The following MAP7D1 variants were observed in gnomAD, a reference collection of about 807,000 sequenced individuals.
MAP7D1 encodes the protein MAP7 domain-containing protein 1.
MAP7D1 carries 30 observed loss-of-function variants against 97.5 expected under a neutral mutation model. The ratio of observed to expected loss-of-function variants is 0.31; its 90% CI spans 0.23 to 0.42. MAP7D1 has a LOEUF of 0.42. Among genes scored for constraint, MAP7D1 ranks in the 10% least tolerant of loss-of-function variants. The probability of loss-of-function intolerance (pLI) is 1.00; values close to 1 mark genes in which losing one functional copy is unlikely to be tolerated. For missense variants in MAP7D1, 1,184 were observed against 1,179.5 expected, an observed-to-expected ratio of 1.00 and a Z score of -0.06; for synonymous variants, 536 against 477.1, an observed-to-expected ratio of 1.12 and a Z score of -1.61.
intron 1 of MAP7D1, among the ~76,000 whole-genome samples, chr1:36,157,671 C>T (rs1035637367): frequency 6.6e-6 from 1 of 152,226 alleles, no homozygotes; most frequent in Non-Finnish European, 1.5e-5. Flanking sequence ...ATCCTGTCAC[C>T]TCCCTGCCCC....
chr1:36,173,505 T>C (rs746908108), intron 5 of MAP7D1, 27 bp downstream of exon 5: 3 of 1,488,860 alleles, frequency 2.0e-6, no homozygotes, highest in Admixed American at 4.0e-5. Flanking sequence ...GGCTGGGGAG[T>C]GGGTGGGCAA....
At chr1:36,161,340 T>TCTA (rs567708774) in intron 1 of MAP7D1, among the ~76,000 whole-genome samples, 44 of 152,290 alleles carry the variant, frequency 2.9e-4, no homozygotes, top group African/African-American at 9.4e-4. Context: ...GTTTGCCCTT[T>TCTA]CTACTGACCT....
chr1:36,166,020 G>A (rs1644470849), intron 1 of MAP7D1, among the ~76,000 whole-genome samples: 1 of 152,090 alleles, frequency 6.6e-6, no homozygotes, highest in Non-Finnish European at 1.5e-5. Flanking sequence ...GTGAGCCACC[G>A]CTCCCAGCCC....
Position 36,180,004 on chromosome 1 carries a change from C to T in MAP7D1, c.2449C>T (p.Leu817=), listed in dbSNP as rs762580688. 1 of 1,614,218 alleles carries T rather than the reference C, an allele frequency of 6.2e-7. No homozygotes were observed. ...TCTGAGCCGAACACCAGAGACACTC[C>T]TGCCCTTTGCAGAGGCAGAAGCCTT... The part of the protein sequence containing the change: ...KSLSRTPETL[L]PFAEAEAFLK... The change falls in exon 16 of 17, where the codon CTG becomes TTG. Residue 817 remains leucine, a synonymous_variant. Transcript: ENST00000474796.
chr1:36,164,320 C>T (rs1386024504), intron 1 of MAP7D1, among the ~76,000 whole-genome samples: 2 of 152,122 alleles, frequency 1.3e-5, no homozygotes, highest in African/African-American at 4.8e-5. Context: ...GGCTCCCTCA[C>T]CTTCTAGGAG....
Position 36,171,236 on chromosome 1 carries a change from G to T in MAP7D1, c.312G>T (p.Arg104=). The T allele has an allele frequency of 1.9e-6, 3 of 1,610,354 alleles. No individual in the cohort carries two copies. Among genetic ancestry groups the T allele is most frequent in the Non-Finnish European group, 2.5e-6 (3 of 1,178,102 alleles). ...CCACCCCACCAGCCATGGGCCCACG[G>T]GATGCCAGACCTCCTCGAAGGAGCA... ...RGPTPPAMGP[R]DARPPRRSSQ... is the part of the protein sequence containing the mutation. Residue 104 remains arginine, a synonymous_variant, in exon 2 of 17, where the codon CGG becomes CGT. Coordinates refer to ENST00000474796, the MANE Select transcript of MAP7D1 (RefSeq NM_001388490.1).
rs577783318 is a variant in MAP7D1, at chr1:36,158,174, G to A, written c.46+1711G>A. 3.6e-3 allele frequency among the ~76,000 whole-genome samples: 541 copies of A among 152,026 alleles called. 2 individuals carry two copies. Among genetic ancestry groups the A allele is most frequent in the African/African-American group, 0.012 (511 of 41,434 alleles). ...ATGTTCGGTGGGCGGGGAGGGCTGC[G>A]TCAGGGGCCGGTGGGCAGACTGCAT... On this transcript the variant is annotated intron_variant, in intron 1 of 16. Transcript: ENST00000474796.
chr1:36,180,165 C>A, intron 16 of MAP7D1, 83 bp from the exon 17 acceptor site: 1 of 1,610,834 alleles, frequency 6.2e-7, no homozygotes, highest in South Asian at 1.1e-5. Flanking sequence ...CAGGCACCCT[C>A]TCCTGCTCCA....
chr1:36,179,453 CAG>C (rs1644684347), intron 13 of MAP7D1, 60 bp from the exon 14 acceptor site: 1 of 1,576,836 alleles, frequency 6.3e-7, no homozygotes, highest in Non-Finnish European at 8.6e-7. Flanking sequence ...GGGCCGAACT[CAG>C]TCCGAAGTGG....
chr1:36,169,428 C>T (rs757674094), intron 1 of MAP7D1, among the ~76,000 whole-genome samples: 26 of 151,512 alleles, frequency 1.7e-4, no homozygotes, highest in Non-Finnish European at 2.5e-4. Context: ...TGGTGGCGGG[C>T]GCCTGTAGTC....
rs758028008 is a variant in MAP7D1, at chr1:36,173,470, A to G, written c.731A>G (p.His244Arg). Reference protein sequence around the residue: ...AGALHHSSPGHKTSGSRCSVS... With the variant: ...AGALHHSSPGRKTSGSRCSVS... ...GCCCTGCACCACAGCTCTCCAGGAC[A>G]TAAGACCAGTGAGTAGGCTGGAGGG... The change falls in exon 5 of 17, where the codon CAT becomes CGT. Residue 244 changes from histidine (H) to arginine (R), a missense_variant. By Grantham distance (29) the His-to-Arg change is conservative (BLOSUM62 0). Coordinates refer to ENST00000474796, the MANE Select transcript of MAP7D1 (RefSeq NM_001388490.1). The G allele has an allele frequency of 1.1e-5, 17 of 1,609,742 alleles. No individual in the cohort carries two copies. The highest frequency in any genetic ancestry group is 6.7e-5 in the African/African-American group (5 of 74,754).
Position 36,170,987 on chromosome 1 carries a change from C to A in MAP7D1, c.63C>A (p.Thr21=), listed in dbSNP as rs1434470379. The change falls in exon 2 of 17, where the codon ACC becomes ACA. Residue 21 remains threonine (T), a synonymous_variant. Coordinates refer to ENST00000474796, the MANE Select transcript of MAP7D1 (RefSeq NM_001388490.1). The part of the protein sequence containing the change: ...AGAPPAVVAR[T]PPEPRPSPEG... ...GTCTTTCAGCTGTGGTCGCCAGGAC[C>A]CCCCCAGAGCCAAGACCTTCTCCAG... 8 of 1,452,250 alleles carry A rather than the reference C, an allele frequency of 5.5e-6. No individual in the cohort carries two copies. The highest frequency in any genetic ancestry group is 7.6e-6 in the Non-Finnish European group (8 of 1,050,736). The allele number at this position is 1,452,250 out of a possible 1,614,324, so 90.0% of individuals were successfully genotyped here.
chr1:36,178,700 G>C lies in MAP7D1; in HGVS notation c.1902G>C (p.Glu634Asp). ...CGTCCCCCAGGCGAATGCGAGAGGA[G>C]CAGCTGGCACGGGAGGCCGAGGCCC... ...QAERDKRMRE[E>D]QLAREAEARA... Residue 634 changes from glutamate to aspartate, a missense_variant, in exon 11 of 17, where the codon GAG (glutamate) becomes GAC (aspartate). Transcript: ENST00000474796. 1 of 1,533,304 alleles carries C rather than the reference G, an allele frequency of 6.5e-7. No individual in the cohort carries two copies. 95.0% of individuals were successfully genotyped at this position (1,533,304 alleles called of 1,614,324 possible). A position where few individuals can be genotyped will look rare whatever the true frequency, so the allele number is the denominator to read the frequency against.
In MAP7D1 at chr1:36,174,963, C is replaced by T. The variant is rs1426629110; in HGVS notation, c.805C>T (p.Arg269Trp). 5.6e-6 allele frequency: 9 copies of T among 1,613,984 alleles called. No individual in the cohort carries two copies. The highest frequency in any genetic ancestry group is 2.2e-5 in the South Asian group (2 of 91,070). ...PKHVDSIINK[R>W]LSKSSATLWN... ...ACACGTGGACTCTATAATCAACAAG[C>T]GGCTCTCAAAGTCCTCTGCCACGCT... The change falls in exon 6 of 17, where the codon CGG becomes TGG. Residue 269 changes from arginine (R) to tryptophan (W), a missense_variant. Coordinates refer to ENST00000474796, the MANE Select transcript of MAP7D1 (RefSeq NM_001388490.1).
At chr1:36,165,583 T>C (rs1221772267) in intron 1 of MAP7D1, among the ~76,000 whole-genome samples, 1 of 151,702 alleles carries the variant, frequency 6.6e-6, no homozygotes, top group Non-Finnish European at 1.5e-5. Context: ...GCCTGGGTAA[T>C]TTAAAAAAAT....
Position 36,176,936 on chromosome 1 carries a change from C to G in MAP7D1, c.1379+94C>G. ...TTGGGCAACCACCTCTAGAATGCAACTTCCCTGAGGGCAGATTCTCTCTGT... is the reference window on the plus strand; with the variant it reads ...TTGGGCAACCACCTCTAGAATGCAAGTTCCCTGAGGGCAGATTCTCTCTGT... On this transcript the variant is annotated intron_variant, in intron 8 of 16. Transcript: ENST00000474796. This position sits in a 1 kb window ranked among gnomAD's most constrained non-coding sequence, Gnocchi z 6.1. 1 of 1,081,594 alleles carries G rather than the reference C, an allele frequency of 9.2e-7. No individual in the cohort carries two copies. The highest frequency in any genetic ancestry group is 1.5e-5 in the South Asian group (1 of 68,864). The allele number at this position is 1,081,594 out of a possible 1,614,324, so 67.0% of individuals were successfully genotyped here.
chr1:36,168,951 T>G (rs1183064221), intron 1 of MAP7D1, among the ~76,000 whole-genome samples: 1 of 152,078 alleles, frequency 6.6e-6, no homozygotes, highest in Non-Finnish European at 1.5e-5. Flanking sequence ...CAGTGAGGAT[T>G]AAAACTAATA....
At chr1:36,158,396 G>A (rs746560536) in intron 1 of MAP7D1, among the ~76,000 whole-genome samples, 2 of 152,154 alleles carry the variant, frequency 1.3e-5, no homozygotes, top group Non-Finnish European at 2.9e-5. Flanking sequence ...CTGACACTCC[G>A]AGAGCATGTG....
At chr1:36,158,307 G>A (rs1644364662) in intron 1 of MAP7D1, among the ~76,000 whole-genome samples, 2 of 152,100 alleles carry the variant, frequency 1.3e-5, no homozygotes, top group Admixed American at 6.5e-5. Context: ...ATAGTCAAAG[G>A]TGACAGGAGT....
Sources: allele counts gnomAD v4.1 joint callset (sites outside exome capture counted in the v4.1 genomes callset), GRCh38; gene constraint gnomAD v4.1.1; non-coding constraint Gnocchi (gnomAD v3.1); transcripts MANE v1.5; gene names NCBI Gene and HGNC (gene_info 2026-07-23, HGNC 2026-07-21).